Variants in TRIM15 observed in about 807,000 individuals in gnomAD.
The protein encoded by TRIM15 is E3 ubiquitin-protein ligase TRIM15.
A neutral mutation model predicts 35.8 loss-of-function variants in TRIM15; 35 were observed. The observed-to-expected ratio is 0.98, with a 90% CI of 0.75 to 1.30. TRIM15 has a LOEUF of 1.30. Among genes scored for constraint, TRIM15 ranks in the 50% most tolerant of loss-of-function variants. TRIM15 has a pLI of 0.00. For missense variants in TRIM15, 590 were observed against 593.5 expected, an observed-to-expected ratio of 0.99 and a Z score of 0.06; for synonymous variants, 252 against 249.8, an observed-to-expected ratio of 1.01 and a Z score of -0.08.
Position 30,163,987 on chromosome 6 carries a change from C to G in TRIM15, c.303C>G (p.Leu101=), listed in dbSNP as rs781300732. ...TCTGCGAGAACGATGCCGAGTTCCT[C>G]TGTGTGTTCTGCAGGGAGGGTCCCA... ...YFFCENDAEF[L]CVFCREGPTH... The change falls in exon 1 of 7, where the codon CTC becomes CTG. Residue 101 remains leucine, a synonymous_variant. Coordinates refer to ENST00000376694, the MANE Select transcript of TRIM15 (RefSeq NM_033229.3). The G allele has an allele frequency of 6.2e-7, 1 of 1,613,146 alleles. No individual in the cohort carries two copies. Among genetic ancestry groups the G allele is most frequent in the South Asian group, 1.1e-5 (1 of 91,086 alleles).
intron 6 of TRIM15, among the ~76,000 whole-genome samples, chr6:30,171,359 G>GT (rs1774004594): frequency 6.6e-6 from 1 of 152,162 alleles, no homozygotes; most frequent in Admixed American, 6.5e-5. Context: ...TCAAGCCCTA[G>GT]TTTTTTGAGA....
In TRIM15 at chr6:30,163,786, C is replaced by T. The variant is rs1228483533; in HGVS notation, c.102C>T (p.Thr34=). ...EDAVTIPCGH[T]FCRLCLPALS... ...CGGTGACCATTCCCTGTGGACACAC[C>T]TTCTGCCGGCTCTGCCTCCCCGCGC... is the stretch of plus-strand genomic sequence containing the variant. Residue 34 remains threonine (T), a synonymous_variant, in exon 1 of 7, where the codon ACC becomes ACT. Coordinates refer to ENST00000376694, the MANE Select transcript of TRIM15 (RefSeq NM_033229.3). 10 of 1,612,864 alleles carry T rather than the reference C, an allele frequency of 6.2e-6. No homozygotes were observed. The highest frequency in any genetic ancestry group is 2.7e-5 in the African/African-American group (2 of 74,912).
Position 30,167,098 on chromosome 6 carries a change from C to T in TRIM15, c.382-78C>T. On this transcript the variant is annotated intron_variant, in intron 1 of 6. Transcript: ENST00000376694. Reference sequence around the variant, plus strand: ...GAACCCCTCAGCACTCAACAGTGTGCCCAGGATGTGATAGTTAATAATTGT... The same window carrying T: ...GAACCCCTCAGCACTCAACAGTGTGTCCAGGATGTGATAGTTAATAATTGT... 2.3e-6 allele frequency: 3 copies of T among 1,324,798 alleles called. No individual in the cohort carries two copies. The South Asian group carries it at 3.6e-5, about 16-fold the overall frequency. The allele number at this position is 1,324,798 out of a possible 1,614,324, so 82.1% of individuals were successfully genotyped here.
Position 30,163,744 on chromosome 6 carries a change from G to A in TRIM15, c.60G>A (p.Ala20=), listed in dbSNP as rs1299190887. The change falls in exon 1 of 7, where the codon GCG becomes GCA. Residue 20 remains alanine (A), a synonymous_variant. Transcript: ENST00000376694. ...AGCTGCCTGCCTGTACCCTCTGTGC[G>A]GGGCCGCTGGAGGATGCGGTGACCA... ...VHELPACTLC[A]GPLEDAVTIP... 13 of 1,612,930 alleles carry A rather than the reference G, an allele frequency of 8.1e-6. No individual in the cohort carries two copies. The highest frequency in any genetic ancestry group is 1.3e-5 in the African/African-American group (1 of 75,060).
At chr6:30,164,195 G>C in intron 1 of TRIM15, 130 bp downstream of exon 1, 1 of 1,341,016 alleles carries the variant, frequency 7.5e-7, no homozygotes, top group South Asian at 1.5e-5. Context: ...AGGGACTTTC[G>C]AGGCATTCCC....
intron 2 of TRIM15, 100 bp downstream of exon 2, chr6:30,167,371 T>C (rs1413144194): frequency 2.1e-6 from 2 of 941,678 alleles, no homozygotes; most frequent in South Asian, 1.5e-5. Flanking sequence ...TGAAAAGAAC[T>C]GACAAACTGT....
rs1186311798 is a variant in TRIM15 at position 30,172,010 on chromosome 6, T to C, written c.1059T>C (p.Val353=). 2 of 1,577,182 alleles carry C rather than the reference T, an allele frequency of 1.3e-6. No individual in the cohort carries two copies. Among genetic ancestry groups the C allele is most frequent in the Non-Finnish European group, 1.7e-6 (2 of 1,160,922 alleles). The part of the protein sequence containing the change: ...GFSSGRHRWQ[V]DLQLGDGGGC... ...CCTCCGGGCGCCACCGCTGGCAGGT[T>C]GACCTGCAGCTGGGCGACGGCGGCG... Residue 353 remains valine, a synonymous_variant, in exon 7 of 7, where the codon GTT becomes GTC. Coordinates refer to ENST00000376694, the MANE Select transcript of TRIM15 (RefSeq NM_033229.3).
At position 30,168,299 on chromosome 6, in the gene TRIM15, G is replaced by A. The variant is rs200762377; in HGVS notation, c.478-1G>A. On this transcript the variant is annotated splice_acceptor_variant, in intron 2 of 6. Coordinates refer to ENST00000376694, the MANE Select transcript of TRIM15 (RefSeq NM_033229.3). LOFTEE classifies it high-confidence loss of function. ...CCATGTCTGCCTTTTATCCCTTGAAGACTCAGATCGAAAGCAAGAAGCATC... is the reference window on the plus strand; with the variant it reads ...CCATGTCTGCCTTTTATCCCTTGAAAACTCAGATCGAAAGCAAGAAGCATC... 337 of 1,612,082 alleles carry A rather than the reference G, an allele frequency of 2.1e-4. 1 individual carries two copies. The Admixed American group carries it at 2.2e-3, about 10-fold the overall frequency.
intron 5 of TRIM15, 32 bp from the exon 6 acceptor site, chr6:30,170,944 C>T: frequency 1.2e-6 from 2 of 1,606,310 alleles, no homozygotes; most frequent in Non-Finnish European, 1.7e-6. Flanking sequence ...TAATAAGTCA[C>T]AGATCTCTCT....
chr6:30,167,419 G>T (rs1773684449), intron 2 of TRIM15, 148 bp downstream of exon 2: 3 of 657,612 alleles, frequency 4.6e-6, no homozygotes, highest in South Asian at 1.9e-5. Flanking sequence ...AAGGCATTTG[G>T]GATCTCAGAC....
At chr6:30,168,132 G>A (rs1773741245) in intron 2 of TRIM15, among the ~76,000 whole-genome samples, 168 bp from the exon 3 acceptor site, 1 of 152,128 alleles carries the variant, frequency 6.6e-6, no homozygotes, top group Non-Finnish European at 1.5e-5. Flanking sequence ...CCTCATCATT[G>A]GTAAGTTCAT....
rs749365663 is a variant in TRIM15, at chr6:30,169,292, T to A, written c.731+29T>A. 1.9e-6 allele frequency: 3 copies of A among 1,612,880 alleles called. No individual in the cohort carries two copies. The South Asian group carries it at 3.3e-5, about 18-fold the overall frequency. ...GGGCCCACTCCCCGGTCCTGCCTCC[T>A]TTTACTCAACATCAAGACTGAATGG... is the stretch of plus-strand genomic sequence containing the variant. On this transcript the variant is annotated intron_variant, in intron 4 of 6. Transcript: ENST00000376694.
At chr6:30,167,326 TG>T in intron 2 of TRIM15, 55 bp downstream of exon 2, 1 of 1,439,426 alleles carries the variant, frequency 6.9e-7, no homozygotes, top group Non-Finnish European at 9.8e-7. Flanking sequence ...TAAGAGACTC[TG>T]GGGAAACCCG....
chr6:30,169,761 A>C, intron 4 of TRIM15: 1 of 354,464 alleles, frequency 2.8e-6, no homozygotes, highest in South Asian at 2.2e-5. Flanking sequence ...TGGCATTGTA[A>C]ATGCATGGCC....
chr6:30,164,054 C>T lies in TRIM15; in HGVS notation c.370C>T (p.Gln124Ter). Residue 124 changes from glutamine to a stop codon, truncating the protein, a stop_gained, in exon 1 of 7, where the codon CAG becomes TAG. Coordinates refer to ENST00000376694, the MANE Select transcript of TRIM15 (RefSeq NM_033229.3). LOFTEE classifies it high-confidence loss of function. ...CGTGGGGTTCCTGGACGAGGCCATT[C>T]AGCCCTACCGGGTAAGAAGTGTAGC... ...HTVGFLDEAI[Q>*]PYRDRLRSRL... 6.2e-7 allele frequency: 1 copy of T among 1,611,600 alleles called. No homozygotes were observed. Among genetic ancestry groups the T allele is most frequent in the Non-Finnish European group, 8.5e-7 (1 of 1,179,104 alleles).
chr6:30,165,194 G>C (rs1413056173), intron 1 of TRIM15, among the ~76,000 whole-genome samples: 1 of 151,848 alleles, frequency 6.6e-6, no homozygotes, highest in African/African-American at 2.4e-5. Flanking sequence ...ATGGTGGTTT[G>C]CTGCACCCAT....
Position 30,163,776 on chromosome 6 carries a change from G to C in TRIM15, c.92G>C (p.Cys31Ser), listed in dbSNP as rs1305769999. 6.2e-7 allele frequency: 1 copy of C among 1,613,022 alleles called. No individual in the cohort carries two copies. Among genetic ancestry groups the C allele is most frequent in the African/African-American group, 1.3e-5 (1 of 75,052 alleles). The change falls in exon 1 of 7, where the codon TGT becomes TCT. Residue 31 changes from cysteine (C) to serine (S), a missense_variant. Cys to Ser is a moderately radical substitution (Grantham distance 112, BLOSUM62 -1). Transcript: ENST00000376694. ...CTGGAGGATGCGGTGACCATTCCCT[G>C]TGGACACACCTTCTGCCGGCTCTGC... ...GPLEDAVTIP[C>S]GHTFCRLCLP... is the part of the protein sequence containing the mutation.
intron 2 of TRIM15, among the ~76,000 whole-genome samples, chr6:30,167,995 T>A (rs1335103160): frequency 1.3e-5 from 2 of 152,186 alleles, no homozygotes; most frequent in African/African-American, 4.8e-5. Context: ...CCCACCTAAC[T>A]CTAAGAAGGC....
At chr6:30,166,312 T>C (rs1171747915) in intron 1 of TRIM15, among the ~76,000 whole-genome samples, 1 of 152,258 alleles carries the variant, frequency 6.6e-6, no homozygotes, top group Non-Finnish European at 1.5e-5. Context: ...AGTTTCAGTT[T>C]TCTGCATATG....
Sources: allele counts gnomAD v4.1 joint callset (sites outside exome capture counted in the v4.1 genomes callset), GRCh38; gene constraint gnomAD v4.1.1; transcripts MANE v1.5; gene names NCBI Gene and HGNC (gene_info 2026-07-23, HGNC 2026-07-21).